SETD5: variants seen among roughly 807,000 people sequenced by gnomAD.
SETD5 encodes the protein SET domain containing 5.
A neutral mutation model predicts 153.3 loss-of-function variants in SETD5; 44 were observed. The observed-to-expected ratio is 0.29, with a 90% CI of 0.23 to 0.37. The LOEUF (loss-of-function observed/expected upper bound fraction) is 0.37. SETD5 is among the 10% of genes least tolerant of loss of function. SETD5 has a pLI of 1.00. For missense variants in SETD5, 1,544 were observed against 1,768.0 expected (o/e 0.87, Z 2.27); for synonymous variants, 716 against 645.2 (o/e 1.11, Z -1.66).
chr3:9,445,140 C>A lies in SETD5; in HGVS notation c.1280C>A (p.Pro427Gln). The A allele has an allele frequency of 6.2e-7, 1 of 1,613,968 alleles. No individual in the cohort carries two copies. The highest frequency in any genetic ancestry group is 8.5e-7 in the Non-Finnish European group (1 of 1,179,892). The change falls in exon 12 of 23, where the codon CCA becomes CAA. Residue 427 changes from proline to glutamine, a missense_variant. By Grantham distance (76) the Pro-to-Gln change is moderately conservative. Transcript: ENST00000402198. ...NPNATELPLLPPPPSLPTIGA... is the reference protein window; with the variant it reads ...NPNATELPLLQPPPSLPTIGA... The stretch of plus-strand genomic sequence containing the variant: ...AATGCTACAGAACTGCCACTCCTAC[C>A]ACCTCCTCCAAGCCTACCCACCATT...
intron 20 of SETD5, 102 bp from the exon 21 acceptor site, chr3:9,474,347 G>GT: frequency 3.7e-6 from 5 of 1,355,240 alleles, no homozygotes; most frequent in Non-Finnish European, 5.0e-6. Context: ...AGAAAGTAAT[G>GT]TTTAAGAGGA....
intron 1 of SETD5, among the ~76,000 whole-genome samples, chr3:9,413,649 G>GGGGTGTGT (rs200761097): frequency 3.7e-4 from 52 of 140,450 alleles, no homozygotes; most frequent in African/African-American, 8.0e-4. Flanking sequence ...GGGGAGGCGG[G>GGGGTGTGT]GTGTGTGTGT....
At chr3:9,415,577 A>T (rs4328788) in intron 1 of SETD5, among the ~76,000 whole-genome samples, 39,429 of 151,812 alleles carry the variant, frequency 0.26, 5,940 homozygotes, top group African/African-American at 0.41. Context: ...CTGTTATTTT[A>T]TTATTATTAT....
intron 18 of SETD5, chr3:9,464,945 TA>T: frequency 2.1e-6 from 1 of 480,076 alleles, no homozygotes; most frequent in Non-Finnish European, 3.8e-6. Flanking sequence ...GTTTAGGTAG[TA>T]AGCATGCTAG....
intron 11 of SETD5, 123 bp downstream of exon 11, chr3:9,443,540 T>C: frequency 1.9e-6 from 1 of 525,910 alleles, no homozygotes; most frequent in Non-Finnish European, 2.9e-6. Context: ...TTTTCATGAC[T>C]AATGAATTTT....
intron 17 of SETD5, 48 bp downstream of exon 17, chr3:9,453,916 G>T: frequency 2.8e-6 from 4 of 1,453,480 alleles, no homozygotes; most frequent in Non-Finnish European, 3.6e-6. Flanking sequence ...ATTGTTTCAG[G>T]TCTGCATAAA....
rs546818840 is a variant in SETD5 at position 9,453,231 on chromosome 3, C to T, written c.2347-508C>T. On this transcript the variant is annotated intron_variant, in intron 16 of 22. Transcript: ENST00000402198. ...TCATTTGAAATAAACCTTTTGGAAA[C>T]GCTTTTGGTACCTGTAGTGAAGAGC... Among the ~76,000 whole-genome samples the T allele has an allele frequency of 8.5e-5, 13 of 152,100 alleles. No homozygotes were observed. In the East Asian group the frequency reaches 1.9e-3, roughly 23 times the overall value.
chr3:9,476,012 G>A lies in SETD5; in HGVS notation c.4250G>A (p.Arg1417His), dbSNP rs368126889. Reference sequence around the variant, plus strand: ...TCCAATTCACAGCACTACCCACACCGTGGGAGTGGGGGTGTGCACCAGTAC... The same window carrying A: ...TCCAATTCACAGCACTACCCACACCATGGGAGTGGGGGTGTGCACCAGTAC... ...AVSNSQHYPH[R>H]GSGGVHQYRL... The change falls in exon 23 of 23, where the codon CGT becomes CAT. Residue 1417 changes from arginine (R) to histidine (H), a missense_variant. Around this residue, in one of 9 missense-constraint regions of SETD5, gnomAD observed 302 missense variants for 277.6 expected, o/e 1.09. Coordinates refer to ENST00000402198, the MANE Select transcript of SETD5 (RefSeq NM_001080517.3). The A allele has an allele frequency of 4.3e-5, 69 of 1,613,996 alleles. No homozygotes were observed. In the East Asian group the frequency reaches 6.7e-4, roughly 16 times the overall value.
chr3:9,408,723 G>A (rs1243213531), intron 1 of SETD5, among the ~76,000 whole-genome samples: 1 of 152,052 alleles, frequency 6.6e-6, no homozygotes, highest in Non-Finnish European at 1.5e-5. Flanking sequence ...CTGCTTGTCT[G>A]TGTAATGTTA....
Position 9,434,093 on chromosome 3 carries a change from A to G in SETD5, c.177+143A>G. On this transcript the variant is annotated intron_variant, in intron 4 of 22. Coordinates refer to ENST00000402198, the MANE Select transcript of SETD5 (RefSeq NM_001080517.3). The surrounding 1 kb of genome is among the most constrained non-coding windows in gnomAD (Gnocchi z 5.6). ...ACTTCCCTGACTCCAGCGGACGTCT[A>G]GCCCTGCATCATTGTTCTTGTTTTT... The G allele has an allele frequency of 1.9e-6, 3 of 1,569,560 alleles. No individual in the cohort carries two copies. The highest frequency in any genetic ancestry group is 2.6e-6 in the Non-Finnish European group (3 of 1,159,750).
rs1212966319 is a variant in SETD5 at position 9,474,588 on chromosome 3, C to T, written c.3631+6C>T. On this transcript the variant is annotated splice_donor_region_variant and intron_variant, in intron 21 of 22. Coordinates refer to ENST00000402198, the MANE Select transcript of SETD5 (RefSeq NM_001080517.3). The stretch of plus-strand genomic sequence containing the variant: ...CATCACAGAGAAAGACTCAGGTGAG[C>T]CCATGGCCTTCTGCTGCCACCACAT... 3.1e-6 allele frequency: 5 copies of T among 1,613,104 alleles called. No individual in the cohort carries two copies. Among genetic ancestry groups the T allele is most frequent in the Non-Finnish European group, 4.2e-6 (5 of 1,179,698 alleles).
At chr3:9,474,657 C>CTGAGT in intron 21 of SETD5, 75 bp downstream of exon 21, 4 of 1,562,248 alleles carry the variant, frequency 2.6e-6, no homozygotes, top group Non-Finnish European at 3.5e-6. Flanking sequence ...ATGCCTAGTG[C>CTGAGT]TGAGTTGAGG....
intron 18 of SETD5, 145 bp from the exon 19 acceptor site, chr3:9,470,314 T>G: frequency 1.5e-6 from 1 of 672,898 alleles, no homozygotes; most frequent in Non-Finnish European, 2.6e-6. Flanking sequence ...ACGTGGGACT[T>G]TTACAGAATA....
At chr3:9,449,799 T>C (rs1575483466) in intron 16 of SETD5, among the ~76,000 whole-genome samples, 1 of 152,194 alleles carries the variant, frequency 6.6e-6, no homozygotes, top group African/African-American at 2.4e-5. Flanking sequence ...TAATTGCACA[T>C]CTTACCTAAA....
chr3:9,408,813 G>T (rs1163509101), intron 1 of SETD5, among the ~76,000 whole-genome samples: 1 of 151,968 alleles, frequency 6.6e-6, no homozygotes, highest in Non-Finnish European at 1.5e-5. Flanking sequence ...TTGTTTGTGT[G>T]AATTATGTCA....
chr3:9,415,428 A>G (rs1365683596), intron 1 of SETD5, among the ~76,000 whole-genome samples: 1 of 152,196 alleles, frequency 6.6e-6, no homozygotes, highest in East Asian at 1.9e-4. Flanking sequence ...ACAAGCCACT[A>G]GCTAGCTGAT....
rs1009661064 is a variant in SETD5 at position 9,443,189 on chromosome 3, C to T, written c.1078-119C>T. The T allele has an allele frequency of 1.4e-5, 10 of 738,072 alleles. No homozygotes were observed. In the Middle Eastern group the frequency reaches 7.2e-4, roughly 53 times the overall value. The allele number at this position is 738,072 out of a possible 1,614,324, so 45.7% of individuals were successfully genotyped here. ...GGGGTTAAATAACAGATTACCATAACTCCTTAAATAAATAATAGATTACCA... is the reference window on the plus strand; with the variant it reads ...GGGGTTAAATAACAGATTACCATAATTCCTTAAATAAATAATAGATTACCA... On this transcript the variant is annotated intron_variant, in intron 10 of 22. Transcript: ENST00000402198.
intron 1 of SETD5, among the ~76,000 whole-genome samples, chr3:9,420,766 A>G (rs1171551955): frequency 6.6e-6 from 1 of 152,056 alleles, no homozygotes; most frequent in African/African-American, 2.4e-5. Context: ...GTGCTCTTTT[A>G]GAGTTCATCT....
intron 1 of SETD5, among the ~76,000 whole-genome samples, chr3:9,410,477 T>G (rs1404138821): frequency 6.6e-6 from 1 of 152,248 alleles, no homozygotes; most frequent in African/African-American, 2.4e-5. Context: ...TTTGTTACAT[T>G]TTACTTTCAG....
Sources: allele counts gnomAD v4.1 joint callset (sites outside exome capture counted in the v4.1 genomes callset), GRCh38; gene constraint gnomAD v4.1.1; regional missense constraint gnomAD v4.1.1; non-coding constraint Gnocchi (gnomAD v3.1); transcripts MANE v1.5; gene names NCBI Gene and HGNC (gene_info 2026-07-23, HGNC 2026-07-21).